The following GRIP1 variants were observed in gnomAD, a reference collection of about 807,000 sequenced individuals.
GRIP1 encodes glutamate receptor-interacting protein 1.
GRIP1 carries 45 observed loss-of-function variants against 129.9 expected under a neutral mutation model. That is an observed-to-expected ratio of 0.35 (90% CI 0.27 to 0.44). The LOEUF (loss-of-function observed/expected upper bound fraction) is 0.44. Among genes scored for constraint, GRIP1 ranks in the 20% least tolerant of loss-of-function variants. GRIP1 has a pLI of 1.00. For synonymous variants in GRIP1, 530 were observed against 520.8 expected, an observed-to-expected ratio of 1.02 and a Z score of -0.24; for missense variants, 1,196 against 1,396.8, an observed-to-expected ratio of 0.86 and a Z score of 2.29.
At chr12:66,942,184 A>C (rs556514378) in intron 1 of GRIP1, among the ~76,000 whole-genome samples, 19 of 152,350 alleles carry the variant, frequency 1.2e-4, no homozygotes, top group African/African-American at 4.6e-4. Context: ...GAATTTATGC[A>C]AGGTCTCCAA....
chr12:66,460,973 CA>C (rs1180973912), intron 9 of GRIP1, among the ~76,000 whole-genome samples: 2 of 152,170 alleles, frequency 1.3e-5, no homozygotes, highest in Non-Finnish European at 2.9e-5. Flanking sequence ...ATAAGAAAGA[CA>C]GTGAACAACT....
intron 1 of GRIP1, among the ~76,000 whole-genome samples, chr12:66,882,182 C>G (rs1019472758): frequency 2.0e-5 from 3 of 147,018 alleles, no homozygotes; most frequent in African/African-American, 7.6e-5. Context: ...ATTGCCCGTG[C>G]CCCATGTAAA....
At chr12:67,002,910 A>G (rs779369461) in intron 1 of GRIP1, among the ~76,000 whole-genome samples, 18 of 152,182 alleles carry the variant, frequency 1.2e-4, no homozygotes, top group Non-Finnish European at 2.4e-4. Context: ...AGAAGAGTCA[A>G]CCACCACTCA....
At chr12:66,565,019 A>G (rs2062696959) in intron 2 of GRIP1, among the ~76,000 whole-genome samples, 1 of 152,212 alleles carries the variant, frequency 6.6e-6, no homozygotes, top group African/African-American at 2.4e-5. Context: ...GATTCTGGAT[A>G]TTAGCCCTTT....
intron 1 of GRIP1, among the ~76,000 whole-genome samples, chr12:67,052,687 G>A (rs2043365688): frequency 6.6e-6 from 1 of 150,846 alleles, no homozygotes; most frequent in African/African-American, 2.4e-5. Context: ...GTAAACCCGT[G>A]AGGCAGAGCT....
chr12:66,888,904 G>A (rs1228828481), intron 1 of GRIP1, among the ~76,000 whole-genome samples: 2 of 152,144 alleles, frequency 1.3e-5, no homozygotes, highest in Non-Finnish European at 2.9e-5. Flanking sequence ...GAGTAAGAGT[G>A]CCCTAAAAAT....
intron 1 of GRIP1, among the ~76,000 whole-genome samples, chr12:66,766,689 G>A (rs1454193375): frequency 3.9e-5 from 6 of 152,092 alleles, no homozygotes; most frequent in Middle Eastern, 3.4e-3. Flanking sequence ...AGGTTCTCAC[G>A]TTACGAGCAA....
intron 7 of GRIP1, among the ~76,000 whole-genome samples, chr12:66,509,724 AC>A (rs1342412478): frequency 6.6e-6 from 1 of 152,138 alleles, no homozygotes; most frequent in Non-Finnish European, 1.5e-5. Context: ...GCATGTTCTC[AC>A]TTATAAGTGA....
chr12:66,700,040 C>A (rs2035296505), intron 1 of GRIP1, among the ~76,000 whole-genome samples: 1 of 152,118 alleles, frequency 6.6e-6, no homozygotes, highest in Admixed American at 6.6e-5. Flanking sequence ...TTCTTCTGCC[C>A]AATCATTAGA....
chr12:66,420,005 G>C (rs2057748578), intron 15 of GRIP1, among the ~76,000 whole-genome samples: 1 of 152,206 alleles, frequency 6.6e-6, no homozygotes, highest in African/African-American at 2.4e-5. Context: ...GCTGGGGCAG[G>C]AGAATCGCTT....
chr12:66,596,887 C>A lies in GRIP1; in HGVS notation c.96G>T (p.Pro32=). The change falls in exon 2 of 25, where the codon CCG becomes CCT. Residue 32 remains proline (P), a synonymous_variant. Coordinates refer to ENST00000359742, the MANE Select transcript of GRIP1 (RefSeq NM_001366722.1). ...TCCTCACAGCCAACGCTCCATCAGG[C>A]GGCTTTGTCTGGCTGGCGGATTTAG... is the stretch of plus-strand genomic sequence containing the variant. ...PYTKSASQTK[P]PDGALAVRRQ... is the part of the protein sequence containing the mutation. 1 of 1,613,576 alleles carries A rather than the reference C, an allele frequency of 6.2e-7. No individual in the cohort carries two copies. Among genetic ancestry groups the A allele is most frequent in the Non-Finnish European group, 8.5e-7 (1 of 1,179,508 alleles).
At chr12:66,416,142 C>A (rs895760532) in intron 15 of GRIP1, among the ~76,000 whole-genome samples, 2 of 150,414 alleles carry the variant, frequency 1.3e-5, no homozygotes, top group Admixed American at 6.6e-5. Flanking sequence ...AATGAAACAA[C>A]CTGCTTCTGA....
intron 1 of GRIP1, among the ~76,000 whole-genome samples, chr12:67,046,339 T>C (rs1183396786): frequency 1.3e-5 from 2 of 152,092 alleles, no homozygotes; most frequent in Non-Finnish European, 1.5e-5. Context: ...AAATCTCAAG[T>C]GAAAAAAAAG....
At chr12:66,601,060 A>C (rs770113163) in intron 1 of GRIP1, among the ~76,000 whole-genome samples, 5 of 152,190 alleles carry the variant, frequency 3.3e-5, no homozygotes, top group Non-Finnish European at 5.9e-5. Flanking sequence ...AATGCCCTCC[A>C]TTAACAGGGA....
rs532906412 is a variant in GRIP1, at chr12:66,979,629, C to T, written c.58+89421G>A. 4.6e-5 allele frequency among the ~76,000 whole-genome samples: 7 copies of T among 152,262 alleles called. No individual in the cohort carries two copies. In the South Asian group the frequency reaches 1.5e-3, roughly 32 times the overall value. On this transcript the variant is annotated intron_variant, in intron 1 of 1. Coordinates refer to the GRIP1 transcript ENST00000643019. ...TTGTAACCCCCAGAAAGACGCATAC[C>T]TGTATCTATGATGTGAATGTGACTT...
At chr12:66,855,917 T>C (rs2039994371) in intron 1 of GRIP1, among the ~76,000 whole-genome samples, 1 of 151,988 alleles carries the variant, frequency 6.6e-6, no homozygotes, top group South Asian at 2.1e-4. Context: ...AAAGTTTTGA[T>C]ACATCTTGCA....
chr12:66,498,616 AATTACT>A (rs2060304203), intron 7 of GRIP1, among the ~76,000 whole-genome samples: 1 of 152,314 alleles, frequency 6.6e-6, no homozygotes, highest in East Asian at 1.9e-4. Context: ...AGTAAATAAA[AATTACT>A]ATTACTATAA....
chr12:66,930,175 A>T (rs2137400596), intron 1 of GRIP1, among the ~76,000 whole-genome samples: 1 of 148,986 alleles, frequency 6.7e-6, no homozygotes, highest in South Asian at 2.2e-4. Context: ...TTACATATGT[A>T]TACATGTGCC....
At chr12:66,652,627 G>A (rs1446534932) in intron 1 of GRIP1, among the ~76,000 whole-genome samples, 2 of 152,198 alleles carry the variant, frequency 1.3e-5, no homozygotes, top group African/African-American at 4.8e-5. Flanking sequence ...GGTCATATTA[G>A]TCTGCTAATG....
Sources: gnomAD v4.1 joint callset for allele counts (sites outside exome capture counted in the v4.1 genomes callset) on GRCh38, gnomAD v4.1.1 for gene constraint, MANE v1.5 for transcripts, NCBI Gene and HGNC (gene_info 2026-07-23, HGNC 2026-07-21) for gene names.